The following MED13 variants were observed in gnomAD, a reference collection of about 807,000 sequenced individuals.
MED13 encodes the protein mediator complex subunit 13, also known as mediator of RNA polymerase II transcription subunit 13.
A neutral mutation model predicts 225.2 loss-of-function variants in MED13; 23 were observed. The ratio of observed to expected loss-of-function variants is 0.10; its 90% CI spans 0.07 to 0.14. MED13 has a LOEUF of 0.14. Ranked by LOEUF, MED13 falls within the 10% of genes least tolerant of loss-of-function variation. The pLI, the probability that MED13 is intolerant of heterozygous loss-of-function variation, is 1.00. For missense variants in MED13, 2,197 were observed against 2,594.5 expected (o/e 0.85, Z 3.33); for synonymous variants, 942 against 889.2 (o/e 1.06, Z -1.06).
chr17:61,996,170 C>G (rs749425553), intron 9 of MED13, among the ~76,000 whole-genome samples: 7 of 152,184 alleles, frequency 4.6e-5, no homozygotes, highest in Admixed American at 3.3e-4. Flanking sequence ...GATGCCACAA[C>G]AAGAAGCAAG....
In MED13 at chr17:61,965,384, G is replaced by A; in HGVS notation, c.4466C>T (p.Thr1489Ile). Residue 1489 changes from threonine (T) to isoleucine (I), a missense_variant, in exon 20 of 30, where the codon ACT (threonine) becomes ATT (isoleucine). This residue lies in a region of MED13 where 457 missense variants were observed against 442.2 expected (regional missense o/e 1.03). Transcript: ENST00000397786. Reference sequence around the variant, plus strand: ...TCCAGTATTTGTCATCTGAGGTGGAGTAATCAAAGACTGACTTGTAGGGGC... The same window carrying A: ...TCCAGTATTTGTCATCTGAGGTGGAATAATCAAAGACTGACTTGTAGGGGC... ...LVAPTSQSLI[T>I]PPQMTNTGNA... is the part of the protein sequence containing the mutation. 21 of 1,614,142 alleles carry A rather than the reference G, an allele frequency of 1.3e-5. No individual in the cohort carries two copies. Among genetic ancestry groups the A allele is most frequent in the Non-Finnish European group, 1.7e-5 (20 of 1,179,974 alleles).
At chr17:62,051,642 A>ACAAG (rs1220115324) in intron 3 of MED13, among the ~76,000 whole-genome samples, 1 of 152,136 alleles carries the variant, frequency 6.6e-6, no homozygotes, top group African/African-American at 2.4e-5. Context: ...GAAAAAACAA[A>ACAAG]CAAACAAAAA....
rs372455333 is a variant in MED13 at position 61,984,733 on chromosome 17, T to C, written c.2609A>G (p.Glu870Gly). Residue 870 changes from glutamate to glycine, a missense_variant, in exon 14 of 30, where the codon GAA (glutamate) becomes GGA (glycine). By Grantham distance (98) the Glu-to-Gly change is moderately conservative. This residue lies in a region of MED13 where 160 missense variants were observed against 184.8 expected (regional missense o/e 0.87). Transcript: ENST00000397786. ...MDTTPGGTVL[E>G]GNSSSIGAQF... ...CGCTCCTATACTAGAACTATTTCCT[T>C]CTAGAACAGTTCCTCCAGGTGTTGT... 2.0e-5 allele frequency: 32 copies of C among 1,613,846 alleles called. No individual in the cohort carries two copies. Among genetic ancestry groups the C allele is most frequent in the Non-Finnish European group, 2.7e-5 (32 of 1,179,866 alleles).
chr17:62,056,461 T>C (rs2080997186), intron 2 of MED13, among the ~76,000 whole-genome samples: 1 of 152,166 alleles, frequency 6.6e-6, no homozygotes, highest in Non-Finnish European at 1.5e-5. Context: ...GCTTAATCTA[T>C]ATAACTATTT....
At chr17:62,015,945 TATATATATA>T (rs1166254967) in intron 8 of MED13, among the ~76,000 whole-genome samples, 2 of 13,596 alleles carry the variant, frequency 1.5e-4, no homozygotes, top group African/African-American at 2.4e-4. Flanking sequence ...TATATATATA[TATATATATA>T]TTTTTTTTTT....
At position 62,010,153 on chromosome 17, in the gene MED13, G is replaced by A. The variant is rs113766293; in HGVS notation, c.1967+397C>T. ...AGGAGGGTCGCTTGAACCCAGAGGC[G>A]GAAATTTCAGTGGGCCTAGATCGTG... On this transcript the variant is annotated intron_variant, in intron 9 of 29. Transcript: ENST00000397786. Among the ~76,000 whole-genome samples, 670 of 151,662 alleles carry A rather than the reference G, an allele frequency of 4.4e-3. 8 individuals are homozygous for A. Among genetic ancestry groups the A allele is most frequent in the African/African-American group, 0.014 (574 of 41,314 alleles).
At chr17:61,993,203 T>TC (rs1406662450) in intron 10 of MED13, among the ~76,000 whole-genome samples, 36 of 141,040 alleles carry the variant, frequency 2.6e-4, no homozygotes, top group Non-Finnish European at 3.4e-4. Flanking sequence ...TTTCTTTCTT[T>TC]TTTTTTTTTT....
chr17:61,956,420 A>C lies in MED13; in HGVS notation c.5542T>G (p.Leu1848Val). ...FGLQKLWEWC[L>V]GLVQMSSLPW... is the part of the protein sequence containing the mutation. ...AATGAACTCATTTGTACAAGTCCTA[A>C]GCACCACTCCCAAAGTTTCTGTAGA... Residue 1848 changes from leucine (L) to valine (V), a missense_variant, in exon 24 of 30, where the codon TTA becomes GTA. Transcript: ENST00000397786. 6.2e-7 allele frequency: 1 copy of C among 1,613,804 alleles called. No individual in the cohort carries two copies. The highest frequency in any genetic ancestry group is 8.5e-7 in the Non-Finnish European group (1 of 1,179,834).
intron 1 of MED13, 39 bp downstream of exon 1, chr17:62,065,101 G>C: frequency 6.6e-7 from 1 of 1,508,380 alleles, no homozygotes; most frequent in Non-Finnish European, 8.9e-7. Flanking sequence ...CGCACCTCGC[G>C]GCCCCCCTCC....
intron 3 of MED13, among the ~76,000 whole-genome samples, chr17:62,042,260 CA>C (rs2080858601): frequency 6.6e-6 from 1 of 152,146 alleles, no homozygotes; most frequent in Admixed American, 6.5e-5. Flanking sequence ...TTACATTATA[CA>C]GTAAATAATA....
chr17:61,960,026 C>G (rs1369750320), intron 23 of MED13, among the ~76,000 whole-genome samples: 1 of 152,054 alleles, frequency 6.6e-6, no homozygotes, highest in East Asian at 1.9e-4. Flanking sequence ...CACGTCTGGC[C>G]AGAACCCAAA....
chr17:62,046,599 C>T (rs577307828), intron 3 of MED13, among the ~76,000 whole-genome samples: 37 of 152,192 alleles, frequency 2.4e-4, no homozygotes, highest in Admixed American at 2.0e-4. Flanking sequence ...TAGCACTTTG[C>T]GAGGCCAAAG....
intron 10 of MED13, among the ~76,000 whole-genome samples, chr17:61,994,591 A>G (rs116552870): frequency 1.2e-4 from 18 of 152,364 alleles, no homozygotes; most frequent in African/African-American, 4.3e-4. Flanking sequence ...TTCAATTATG[A>G]CAAGTTTAAT....
chr17:61,971,708 C>G (rs1489699109), intron 17 of MED13, among the ~76,000 whole-genome samples: 2 of 152,070 alleles, frequency 1.3e-5, no homozygotes, highest in Non-Finnish European at 2.9e-5. Flanking sequence ...CTGAGGCAGG[C>G]AGATCACCTG....
At chr17:61,963,788 G>A (rs1241277667) in intron 20 of MED13, among the ~76,000 whole-genome samples, 1 of 152,076 alleles carries the variant, frequency 6.6e-6, no homozygotes, top group Non-Finnish European at 1.5e-5. Context: ...GGGCACAACT[G>A]CATCCTGGGT....
chr17:61,950,528 C>T (rs1488995231), intron 28 of MED13, among the ~76,000 whole-genome samples: 4 of 151,968 alleles, frequency 2.6e-5, no homozygotes, highest in Admixed American at 2.0e-4. Context: ...GGACTACAGG[C>T]GCCCGCCACC....
intron 3 of MED13, among the ~76,000 whole-genome samples, chr17:62,039,177 A>AC (rs1398685860): frequency 6.6e-6 from 1 of 152,046 alleles, no homozygotes; most frequent in Non-Finnish European, 1.5e-5. Flanking sequence ...AAGAATCACT[A>AC]CCTCCTATAC....
At chr17:62,041,938 CA>C (rs2080856284) in intron 3 of MED13, among the ~76,000 whole-genome samples, 1 of 152,088 alleles carries the variant, frequency 6.6e-6, no homozygotes, top group South Asian at 2.1e-4. Context: ...CAAAAGTTTC[CA>C]AACTTGTCTT....
At chr17:61,997,864 C>T (rs1356276938) in intron 9 of MED13, among the ~76,000 whole-genome samples, 1 of 152,030 alleles carries the variant, frequency 6.6e-6, no homozygotes, top group African/African-American at 2.4e-5. Flanking sequence ...TGCTAGACTA[C>T]TGTGCAGTAA....
Sources: allele counts gnomAD v4.1 joint callset (sites outside exome capture counted in the v4.1 genomes callset), GRCh38; gene constraint gnomAD v4.1.1; regional missense constraint gnomAD v4.1.1; transcripts MANE v1.5; gene names NCBI Gene and HGNC (gene_info 2026-07-23, HGNC 2026-07-21).